C9orf153: variants seen among roughly 807,000 people sequenced by gnomAD.
C9orf153 encodes the protein chromosome 9 open reading frame 153, also known as uncharacterized protein C9orf153.
In C9orf153, 10 loss-of-function variants were observed where a neutral mutation model predicts 9.0. The observed-to-expected ratio is 1.11, with a 90% CI of 0.69 to 1.89. C9orf153 has a LOEUF of 1.89. Ranked by LOEUF, C9orf153 falls within the 40% of genes most tolerant of loss-of-function variation. C9orf153 has a pLI of 0.00. For missense variants in C9orf153, 108 were observed against 111.0 expected (o/e 0.97, Z 0.12); for synonymous variants, 35 against 37.3 (o/e 0.94, Z 0.23).
chr9:86,227,655 C>A (rs555024399), intron 3 of C9orf153, 200 bp downstream of exon 3: 2 of 985,268 alleles, frequency 2.0e-6, no homozygotes, highest in Non-Finnish European at 2.4e-6. Context: ...ACCTTCTGTA[C>A]GGTAACTTGG....
intron 1 of C9orf153, among the ~76,000 whole-genome samples, chr9:86,237,877 G>A (rs141609087): frequency 6.6e-6 from 1 of 152,174 alleles, no homozygotes; most frequent in Admixed American, 6.6e-5. Context: ...TCAGGAGTTC[G>A]AGATCAGCCT....
intron 3 of C9orf153, among the ~76,000 whole-genome samples, chr9:86,225,452 TTC>T (rs1158239536): frequency 6.7e-6 from 1 of 149,776 alleles, no homozygotes; most frequent in Non-Finnish European, 1.5e-5. Context: ...CTTCCTCTCT[TTC>T]TCTCTTTCTT....
At chr9:86,233,121 T>C (rs1379051575) in intron 1 of C9orf153, among the ~76,000 whole-genome samples, 1 of 152,202 alleles carries the variant, frequency 6.6e-6, no homozygotes, top group African/African-American at 2.4e-5. Context: ...TCTTGCTTCC[T>C]ATCATTCTCT....
At chr9:86,258,092 C>A (rs1203788507) in intron 1 of C9orf153, among the ~76,000 whole-genome samples, 1 of 151,984 alleles carries the variant, frequency 6.6e-6, no homozygotes, top group African/African-American at 2.4e-5. Flanking sequence ...GCCCATAATC[C>A]CAGCACTTTG....
At chr9:86,257,244 T>A (rs958492549) in intron 1 of C9orf153, among the ~76,000 whole-genome samples, 2 of 152,180 alleles carry the variant, frequency 1.3e-5, no homozygotes, top group Non-Finnish European at 2.9e-5. Flanking sequence ...ACAGATTGCC[T>A]TTTCTTCTGA....
At chr9:86,249,548 C>CA (rs1447699801) in intron 1 of C9orf153, among the ~76,000 whole-genome samples, 1 of 128,408 alleles carries the variant, frequency 7.8e-6, no homozygotes, top group Non-Finnish European at 1.7e-5. Flanking sequence ...CGTCTCCCAC[C>CA]TTTTTTTTTT....
At chr9:86,246,900 A>T (rs1824877715) in intron 1 of C9orf153, among the ~76,000 whole-genome samples, 1 of 152,202 alleles carries the variant, frequency 6.6e-6, no homozygotes, top group South Asian at 2.1e-4. Flanking sequence ...TTGAAAACGG[A>T]GTAGCAAGCC....
chr9:86,256,166 C>T (rs1825119332), intron 1 of C9orf153, among the ~76,000 whole-genome samples: 1 of 152,230 alleles, frequency 6.6e-6, no homozygotes, highest in Non-Finnish European at 1.5e-5. Context: ...TCTTCAGCTG[C>T]TTATGTAAGA....
intron 1 of C9orf153, among the ~76,000 whole-genome samples, chr9:86,243,872 G>C (rs1824804983): frequency 6.6e-6 from 1 of 152,182 alleles, no homozygotes; most frequent in Non-Finnish European, 1.5e-5. Flanking sequence ...AGTTGATGTT[G>C]GCCCAGTGGC....
chr9:86,236,949 A>C (rs1053566360), intron 1 of C9orf153, among the ~76,000 whole-genome samples: 7 of 151,608 alleles, frequency 4.6e-5, no homozygotes, highest in East Asian at 1.9e-4. Flanking sequence ...TAAAAAAAAA[A>C]AAAAAAACAA....
intron 1 of C9orf153, among the ~76,000 whole-genome samples, chr9:86,237,246 G>C (rs1029329031): frequency 6.6e-6 from 1 of 152,062 alleles, no homozygotes; most frequent in African/African-American, 2.4e-5. Context: ...AACTACAAGA[G>C]GCAGAAAGTG....
intron 1 of C9orf153, among the ~76,000 whole-genome samples, chr9:86,237,697 AT>A (rs1465378406): frequency 6.6e-6 from 1 of 151,038 alleles, no homozygotes; most frequent in Non-Finnish European, 1.5e-5. Flanking sequence ...AAGAAAATTT[AT>A]CAGAGATGAG....
At chr9:86,237,061 T>C (rs941550758) in intron 1 of C9orf153, among the ~76,000 whole-genome samples, 1 of 152,082 alleles carries the variant, frequency 6.6e-6, no homozygotes, top group Non-Finnish European at 1.5e-5. Context: ...TAGGAGTATT[T>C]TGTTATTATA....
intron 1 of C9orf153, among the ~76,000 whole-genome samples, chr9:86,241,783 G>A (rs891698804): frequency 2.0e-5 from 3 of 151,990 alleles, no homozygotes; most frequent in Non-Finnish European, 2.9e-5. Flanking sequence ...CCACGACCAG[G>A]CCTGGCTAAT....
chr9:86,227,458 T>C lies in C9orf153; in HGVS notation c.242+397A>G, dbSNP rs939575166. The C allele has an allele frequency of 1.4e-5, 20 of 1,438,348 alleles. No individual in the cohort carries two copies. The Admixed American group carries it at 1.8e-4, about 13-fold the overall frequency. 89.1% of individuals were successfully genotyped at this position (1,438,348 alleles called of 1,614,324 possible). On this transcript the variant is annotated intron_variant, in intron 3 of 3. Transcript: ENST00000339137. ...CTCAGAACTACAAAATTGCTGTAGG[T>C]CAGTATTGGACCATTTCTGCTCTAG...
At chr9:86,234,492 G>T (rs183264336) in intron 1 of C9orf153, among the ~76,000 whole-genome samples, 69 of 152,214 alleles carry the variant, frequency 4.5e-4, no homozygotes, top group Middle Eastern at 3.4e-3. Context: ...AATGGTGCTG[G>T]GACAATTAAA....
At position 86,227,897 on chromosome 9, in the gene C9orf153, G is replaced by C. The variant is rs1200022605; in HGVS notation, c.200C>G (p.Thr67Ser). The part of the protein sequence containing the change: ...LARNLNVMSF[T>S]RGADVRGDLQ... Reference sequence around the variant, plus strand: ...ATCTCCTCTCACATCAGCGCCCCTGGTGAATGACATGACATTCAGGTTTCT... The same window carrying C: ...ATCTCCTCTCACATCAGCGCCCCTGCTGAATGACATGACATTCAGGTTTCT... The change falls in exon 3 of 4, where the codon ACC becomes AGC. Residue 67 changes from threonine (T) to serine (S), a missense_variant. By Grantham distance (58) the Thr-to-Ser change is moderately conservative. Coordinates refer to ENST00000339137, the MANE Select transcript of C9orf153 (RefSeq NM_001276366.4). The C allele has an allele frequency of 1.1e-5, 17 of 1,613,568 alleles. No homozygotes were observed. Among genetic ancestry groups the C allele is most frequent in the Admixed American group, 6.7e-5 (4 of 59,944 alleles).
intron 1 of C9orf153, among the ~76,000 whole-genome samples, chr9:86,238,573 C>T (rs139704515): frequency 5.8e-4 from 89 of 152,246 alleles, no homozygotes; most frequent in African/African-American, 2.0e-3. Flanking sequence ...AAATAGAGAA[C>T]GACATACCCC....
chr9:86,234,976 C>T (rs1824549075), intron 1 of C9orf153, among the ~76,000 whole-genome samples: 1 of 152,138 alleles, frequency 6.6e-6, no homozygotes, highest in South Asian at 2.1e-4. Flanking sequence ...AGTAAGGTCA[C>T]AGGGCAAATT....
Sources: allele counts gnomAD v4.1 joint callset (sites outside exome capture counted in the v4.1 genomes callset), GRCh38; gene constraint gnomAD v4.1.1; transcripts MANE v1.5; gene names NCBI Gene and HGNC (gene_info 2026-07-23, HGNC 2026-07-21).